Variants in IL1RAPL1 observed in about 807,000 individuals in gnomAD.
IL1RAPL1 encodes the protein interleukin-1 receptor accessory protein-like 1.
Under a neutral mutation model 48.4 loss-of-function variants are expected in IL1RAPL1, and 3 were observed. The ratio of observed to expected loss-of-function variants is 0.06; its 90% CI spans 0.03 to 0.16. IL1RAPL1 has a LOEUF of 0.16. Ranked by LOEUF, IL1RAPL1 falls within the 10% of genes least tolerant of loss-of-function variation. The pLI, the probability that IL1RAPL1 is intolerant of heterozygous loss-of-function variation, is 1.00. For missense variants in IL1RAPL1, 349 were observed against 530.6 expected, an observed-to-expected ratio of 0.66 and a Z score of 3.36; for synonymous variants, 185 against 187.7, an observed-to-expected ratio of 0.99 and a Z score of 0.12.
intron 2 of IL1RAPL1, among the ~76,000 whole-genome samples, chrX:29,274,659 G>A: frequency 8.9e-6 from 1 of 112,274 alleles, no homozygotes; most frequent in Middle Eastern, 4.6e-3. Context: ...TGCTTTTGTT[G>A]CACATACCAG....
rs189105079 is a variant in IL1RAPL1 at position 28,875,581 on chromosome X, A to G, written c.82+86156A>G. Among the ~76,000 whole-genome samples, 16 of 111,832 alleles carry G rather than the reference A, an allele frequency of 1.4e-4. No individual in the cohort carries two copies. The East Asian group carries it at 2.8e-3, about 20-fold the overall frequency. On this transcript the variant is annotated intron_variant, in intron 2 of 10. Transcript: ENST00000378993. ...ATCTCATGTTCAAATGTGATCTCCA[A>G]TATTGGAGATGGGGCTTGGTGGGAT...
intron 1 of IL1RAPL1, among the ~76,000 whole-genome samples, chrX:28,628,796 G>A (rs1934369096): frequency 8.9e-6 from 1 of 112,122 alleles, no homozygotes; most frequent in Admixed American, 9.5e-5. Flanking sequence ...TACACACATC[G>A]TTTCTCTGAA....
chrX:29,396,232 A>C (rs774699217), intron 3 of IL1RAPL1, 26 bp from the exon 4 acceptor site: 1 of 1,155,300 alleles, frequency 8.7e-7, no homozygotes, highest in Non-Finnish European at 1.2e-6. Flanking sequence ...ACACCAGGTC[A>C]CTGTATTTAT....
chrX:29,144,079 G>T, intron 2 of IL1RAPL1, among the ~76,000 whole-genome samples: 1 of 111,056 alleles, frequency 9.0e-6, no homozygotes, highest in Non-Finnish European at 1.9e-5. Context: ...CACACAATTG[G>T]TTCTATGGTT....
chrX:29,576,313 T>G (rs1405740786), intron 5 of IL1RAPL1, among the ~76,000 whole-genome samples: 1 of 112,218 alleles, frequency 8.9e-6, no homozygotes, highest in Non-Finnish European at 1.9e-5. Context: ...TTTTCTATTT[T>G]AGCCCTTGAC....
At chrX:28,665,845 G>A (rs1216144821) in intron 1 of IL1RAPL1, among the ~76,000 whole-genome samples, 1 of 112,079 alleles carries the variant, frequency 8.9e-6, no homozygotes, top group Non-Finnish European at 1.9e-5. Context: ...ACTTCCTGAG[G>A]TTAGTGACTA....
intron 9 of IL1RAPL1, among the ~76,000 whole-genome samples, chrX:29,949,068 G>A (rs1180516363): frequency 4.5e-5 from 5 of 111,488 alleles, no homozygotes; most frequent in African/African-American, 9.8e-5. Context: ...AAATAATCCC[G>A]CAGATTCCTT....
At chrX:28,600,772 G>C (rs1934015511) in intron 1 of IL1RAPL1, among the ~76,000 whole-genome samples, 1 of 111,387 alleles carries the variant, frequency 9.0e-6, no homozygotes. Flanking sequence ...AACTAGTTTT[G>C]AATACGATGA....
intron 5 of IL1RAPL1, among the ~76,000 whole-genome samples, chrX:29,493,769 C>T (rs182890746): frequency 2.7e-5 from 3 of 111,289 alleles, no homozygotes; most frequent in East Asian, 2.8e-4. Context: ...TGAATGATCC[C>T]GTCACCCAAG....
intron 1 of IL1RAPL1, among the ~76,000 whole-genome samples, chrX:28,620,992 C>A (rs1385955624): frequency 8.9e-6 from 1 of 111,779 alleles, no homozygotes; most frequent in African/African-American, 3.3e-5. Flanking sequence ...CTTCCCTGCT[C>A]TTCACATTGG....
At chrX:29,134,152 A>G (rs1929078091) in intron 2 of IL1RAPL1, among the ~76,000 whole-genome samples, 2 of 112,164 alleles carry the variant, frequency 1.8e-5, no homozygotes. Flanking sequence ...TAAAGCTGCT[A>G]TAAATATTTG....
chrX:28,864,227 G>T (rs925635060), intron 2 of IL1RAPL1, among the ~76,000 whole-genome samples: 1 of 111,850 alleles, frequency 8.9e-6, no homozygotes, highest in Non-Finnish European at 1.9e-5. Flanking sequence ...TTTTAGTAAT[G>T]CACAGTCCTG....
At chrX:29,874,207 C>G (rs780522560) in intron 6 of IL1RAPL1, among the ~76,000 whole-genome samples, 1 of 111,355 alleles carries the variant, frequency 9.0e-6, no homozygotes, top group Non-Finnish European at 1.9e-5. Context: ...CCATTCCAAA[C>G]TTTAACCCTG....
chrX:29,096,754 TATG>T (rs1405159561), intron 2 of IL1RAPL1, among the ~76,000 whole-genome samples: 2 of 110,491 alleles, frequency 1.8e-5, no homozygotes, highest in Admixed American at 9.7e-5. Context: ...TTCAAGATGT[TATG>T]ATGAAATTGA....
intron 6 of IL1RAPL1, among the ~76,000 whole-genome samples, chrX:29,804,170 T>G (rs1169079820): frequency 9.0e-6 from 1 of 111,623 alleles, no homozygotes; most frequent in East Asian, 2.8e-4. Flanking sequence ...ATTTTAATGC[T>G]AAATCAGAAA....
intron 2 of IL1RAPL1, among the ~76,000 whole-genome samples, chrX:29,084,168 C>T (rs1474228815): frequency 8.9e-6 from 1 of 111,830 alleles, no homozygotes; most frequent in East Asian, 2.8e-4. Context: ...TCATTACCGA[C>T]TCCCAAGCCC....
intron 2 of IL1RAPL1, among the ~76,000 whole-genome samples, chrX:29,183,816 C>T (rs1161289354): frequency 1.8e-5 from 2 of 112,158 alleles, no homozygotes; most frequent in African/African-American, 6.5e-5. Context: ...GCCTCAGCCT[C>T]CCAAGTAGCT....
rs757890367 is a variant in IL1RAPL1, at chrX:29,936,238, A to G, written c.1058-5413A>G. 2.7e-5 allele frequency among the ~76,000 whole-genome samples: 3 copies of G among 111,363 alleles called. No homozygotes were observed. The East Asian group carries it at 8.4e-4, about 31-fold the overall frequency. Reference sequence around the variant, plus strand: ...CTGCTCCAGAGAAATAAATATGCATATGAATTTATGTGGATGGATAAATTC... The same window carrying G: ...CTGCTCCAGAGAAATAAATATGCATGTGAATTTATGTGGATGGATAAATTC... On this transcript the variant is annotated intron_variant, in intron 8 of 10. Transcript: ENST00000378993.
chrX:29,068,661 A>G, intron 2 of IL1RAPL1, among the ~76,000 whole-genome samples: 1 of 112,572 alleles, frequency 8.9e-6, no homozygotes, highest in Non-Finnish European at 1.9e-5. Context: ...GTTGTTCAAG[A>G]GATGCTGAAA....
Sources: gnomAD v4.1 joint callset for allele counts (sites outside exome capture counted in the v4.1 genomes callset) on GRCh38, gnomAD v4.1.1 for gene constraint, MANE v1.5 for transcripts, NCBI Gene and HGNC (gene_info 2026-07-23, HGNC 2026-07-21) for gene names.